Variants in GRM1 observed in about 807,000 individuals in gnomAD.
GRM1 encodes the protein glutamate metabotropic receptor 1, also known as metabotropic glutamate receptor 1.
In GRM1, 33 loss-of-function variants were observed where a neutral mutation model predicts 90.9. The ratio of observed to expected loss-of-function variants is 0.36; its 90% CI spans 0.28 to 0.49. The LOEUF (loss-of-function observed/expected upper bound fraction) is 0.49, where lower values mean the gene tolerates loss of function less well. Among genes scored for constraint, GRM1 ranks in the 20% least tolerant of loss-of-function variants. The probability of loss-of-function intolerance (pLI) is 0.99; values close to 1 mark genes in which losing one functional copy is unlikely to be tolerated. For missense variants in GRM1, 1,190 were observed against 1,534.3 expected (o/e 0.78, Z 3.75); for synonymous variants, 700 against 613.2 (o/e 1.14, Z -2.09).
chr6:146,346,250 T>C (rs1405523815), intron 3 of GRM1, among the ~76,000 whole-genome samples: 11 of 152,264 alleles, frequency 7.2e-5, no homozygotes. Flanking sequence ...ATTTCTGTTT[T>C]AACAATAGAT....
chr6:146,123,300 C>T (rs545450153), intron 1 of GRM1, among the ~76,000 whole-genome samples: 4 of 152,254 alleles, frequency 2.6e-5, no homozygotes, highest in African/African-American at 7.2e-5. Context: ...ATCTTCCCAG[C>T]GAAAGTGATT....
intron 3 of GRM1, among the ~76,000 whole-genome samples, chr6:146,313,738 CA>C (rs71719677): frequency 0.12 from 17,623 of 151,776 alleles, 2,046 homozygotes; most frequent in African/African-American, 0.3. Context: ...TAAAGTGCAC[CA>C]AAAAAATTGA....
intron 2 of GRM1, among the ~76,000 whole-genome samples, chr6:146,303,439 T>C (rs1783465469): frequency 6.6e-6 from 1 of 152,180 alleles, no homozygotes; most frequent in African/African-American, 2.4e-5. Flanking sequence ...GAGCATTTAC[T>C]TTGGAAAACC....
At chr6:146,163,117 G>C (rs1777796640) in intron 2 of GRM1, among the ~76,000 whole-genome samples, 1 of 152,082 alleles carries the variant, frequency 6.6e-6, no homozygotes, top group Non-Finnish European at 1.5e-5. Context: ...AGAATTCATA[G>C]AATAAGCTGG....
intron 2 of GRM1, among the ~76,000 whole-genome samples, chr6:146,245,735 A>T (rs1227226697): frequency 6.6e-6 from 1 of 152,230 alleles, no homozygotes; most frequent in Non-Finnish European, 1.5e-5. Flanking sequence ...GTAAAATATT[A>T]TTGAGAACCC....
At chr6:146,111,490 C>T (rs889178989) in intron 1 of GRM1, among the ~76,000 whole-genome samples, 1 of 148,402 alleles carries the variant, frequency 6.7e-6, no homozygotes, top group Non-Finnish European at 1.5e-5. Context: ...AAAATAAAAA[C>T]AGTTGATAAC....
At chr6:146,076,750 A>G (rs930821391) in intron 1 of GRM1, among the ~76,000 whole-genome samples, 10 of 152,266 alleles carry the variant, frequency 6.6e-5, no homozygotes, top group African/African-American at 1.4e-4. Context: ...GAGAGATCTG[A>G]CAGAAGAGCT....
chr6:146,397,858 T>G (rs953022634), intron 6 of GRM1, among the ~76,000 whole-genome samples: 7 of 152,240 alleles, frequency 4.6e-5, no homozygotes, highest in African/African-American at 1.7e-4. Context: ...GGTTCCTTGT[T>G]GCCATGGCTA....
intron 3 of GRM1, among the ~76,000 whole-genome samples, chr6:146,309,105 A>G (rs1783688840): frequency 6.6e-6 from 1 of 152,158 alleles, no homozygotes; most frequent in Admixed American, 6.5e-5. Flanking sequence ...ATCAAGAGAT[A>G]TAAACATTTC....
At chr6:146,390,152 T>G (rs1384588951) in intron 6 of GRM1, among the ~76,000 whole-genome samples, 5 of 152,188 alleles carry the variant, frequency 3.3e-5, no homozygotes, top group Admixed American at 3.3e-4. Context: ...AAGTAAAATA[T>G]ACTTTTTATT....
intron 2 of GRM1, among the ~76,000 whole-genome samples, chr6:146,216,473 A>G (rs1779874613): frequency 1.3e-5 from 2 of 152,278 alleles, no homozygotes; most frequent in Admixed American, 6.5e-5. Context: ...TCTGACCTAC[A>G]TTGTCATCTT....
intron 2 of GRM1, among the ~76,000 whole-genome samples, chr6:146,203,088 G>T (rs551254109): frequency 6.0e-4 from 91 of 152,106 alleles, no homozygotes; most frequent in African/African-American, 2.1e-3. Flanking sequence ...CAGCTACTGG[G>T]GAGGCTGAGG....
chr6:146,189,972 G>T (rs1382467429), intron 2 of GRM1, among the ~76,000 whole-genome samples: 1 of 152,164 alleles, frequency 6.6e-6, no homozygotes, highest in Non-Finnish European at 1.5e-5. Flanking sequence ...GTTTTGCTTT[G>T]GCAACTCAAA....
intron 2 of GRM1, among the ~76,000 whole-genome samples, chr6:146,204,212 G>A (rs927043019): frequency 6.6e-6 from 1 of 152,044 alleles, no homozygotes; most frequent in African/African-American, 2.4e-5. Flanking sequence ...AGATGAGAGC[G>A]ATGAAAGAAA....
chr6:146,269,325 T>C (rs888868686), intron 2 of GRM1, among the ~76,000 whole-genome samples: 1 of 152,252 alleles, frequency 6.6e-6, no homozygotes, highest in African/African-American at 2.4e-5. Flanking sequence ...GTCTCTAATG[T>C]ATATTTACAC....
At chr6:146,234,218 T>G (rs1030592282) in intron 2 of GRM1, among the ~76,000 whole-genome samples, 9 of 152,012 alleles carry the variant, frequency 5.9e-5, no homozygotes, top group African/African-American at 2.2e-4. Context: ...TTAACCTGTT[T>G]CTTTCATACT....
intron 2 of GRM1, among the ~76,000 whole-genome samples, chr6:146,276,532 G>T (rs942535852): frequency 6.6e-6 from 1 of 151,876 alleles, no homozygotes; most frequent in Non-Finnish European, 1.5e-5. Context: ...GTGCATGAAT[G>T]GTTTTATTCA....
chr6:146,129,901 G>T (rs767988779), intron 1 of GRM1, among the ~76,000 whole-genome samples: 1 of 151,902 alleles, frequency 6.6e-6, no homozygotes, highest in Non-Finnish European at 1.5e-5. Context: ...TAGATGTTCA[G>T]ATTTTTTATT....
intron 5 of GRM1, among the ~76,000 whole-genome samples, chr6:146,368,599 T>G (rs1003899288): frequency 3.3e-5 from 5 of 152,120 alleles, no homozygotes; most frequent in African/African-American, 1.2e-4. Flanking sequence ...TTGAATTTTA[T>G]CAAATACTTT....
Sources: gnomAD v4.1 joint callset for allele counts (sites outside exome capture counted in the v4.1 genomes callset) on GRCh38, gnomAD v4.1.1 for gene constraint, MANE v1.5 for transcripts, NCBI Gene and HGNC (gene_info 2026-07-23, HGNC 2026-07-21) for gene names.